Variants in DNAH7 observed in about 807,000 individuals in gnomAD.
The protein encoded by DNAH7 is axonemal beta dynein heavy chain 7.
In DNAH7, 397 loss-of-function variants were observed where a neutral mutation model predicts 444.6. That is an observed-to-expected ratio of 0.89 (90% CI 0.82 to 0.97). The LOEUF (loss-of-function observed/expected upper bound fraction) is 0.97. Among genes scored for constraint, DNAH7 ranks in the 50% least tolerant of loss-of-function variants. The pLI, the probability that DNAH7 is intolerant of heterozygous loss-of-function variation, is 0.00. For missense variants in DNAH7, 4,902 were observed against 4,800.8 expected, an observed-to-expected ratio of 1.02 and a Z score of -0.62; for synonymous variants, 1,636 against 1,624.4, an observed-to-expected ratio of 1.01 and a Z score of -0.17.
intron 47 of DNAH7, among the ~76,000 whole-genome samples, chr2:195,838,207 C>T (rs1379855385): frequency 1.3e-5 from 2 of 152,096 alleles, no homozygotes; most frequent in Non-Finnish European, 2.9e-5. Flanking sequence ...GTGATCTAAA[C>T]TTAACTGAGT....
At position 195,864,782 on chromosome 2, in the gene DNAH7, A is replaced by G. The variant is rs369492825; in HGVS notation, c.6873T>C (p.Asn2291=). ...GGTGAATTTCTACTATCATTCGAAGATTATCCACATCTGCGATTTCTCTGT... is the reference window on the plus strand; with the variant it reads ...GGTGAATTTCTACTATCATTCGAAGGTTATCCACATCTGCGATTTCTCTGT... ...TNYREIADVD[N]LRMIVEIHLE... Residue 2291 remains asparagine (N), a synonymous_variant, in exon 41 of 65, where the codon AAT becomes AAC. Coordinates refer to ENST00000312428, the MANE Select transcript of DNAH7 (RefSeq NM_018897.3). 37 of 1,614,118 alleles carry G rather than the reference A, an allele frequency of 2.3e-5. No homozygotes were observed. The highest frequency in any genetic ancestry group is 5.3e-5 in the African/African-American group (4 of 74,942).
At chr2:195,915,361 C>T (rs1224056134) in intron 24 of DNAH7, among the ~76,000 whole-genome samples, 1 of 152,152 alleles carries the variant, frequency 6.6e-6, no homozygotes, top group African/African-American at 2.4e-5. Context: ...AAACAAGAGA[C>T]TGTGTGCACA....
rs1295090133 is a variant in DNAH7, at chr2:195,972,352, T to C, written c.1948A>G (p.Met650Val). Residue 650 changes from methionine to valine, a missense_variant, in exon 16 of 65, where the codon ATG becomes GTG. By Grantham distance (21) the Met-to-Val change is conservative. Coordinates refer to ENST00000312428, the MANE Select transcript of DNAH7 (RefSeq NM_018897.3). ...IEYVNFSPAD[M>V]RLNNSVFQWY... is the part of the protein sequence containing the mutation. ...TGGAAAACACTATTATTTAGCCTCA[T>C]GTCTGCTGGAGAAAAGTTGACATAC... The C allele has an allele frequency of 8.7e-6, 14 of 1,614,162 alleles. No homozygotes were observed. In the South Asian group the frequency reaches 1.3e-4, roughly 15 times the overall value.
rs759960266 is a variant in DNAH7, at chr2:195,891,791, T to C, written c.4910A>G (p.Glu1637Gly). The C allele has an allele frequency of 1.9e-6, 3 of 1,578,862 alleles. No individual in the cohort carries two copies. Among genetic ancestry groups the C allele is most frequent in the South Asian group, 2.4e-5 (2 of 84,296 alleles). Residue 1637 changes from glutamate to glycine, a missense_variant, in exon 31 of 65, where the codon GAA (glutamate) becomes GGA (glycine). Physicochemically the swap from Glu to Gly is moderately conservative, Grantham distance 98 (BLOSUM62 -2). Transcript: ENST00000312428. ...TAAAACAGTTATTTGAACTTTGTTT[T>C]CTTCCATTAGCCCCTTAATGAAAAA... is the stretch of plus-strand genomic sequence containing the variant. Reference protein sequence around the residue: ...NDICEKGLMEENKVQITVLNP... With the variant: ...NDICEKGLMEGNKVQITVLNP...
chr2:196,059,881 G>A (rs1248388195), intron 1 of DNAH7, among the ~76,000 whole-genome samples: 1 of 152,172 alleles, frequency 6.6e-6, no homozygotes, highest in Admixed American at 6.5e-5. Flanking sequence ...TTCTCTTCGA[G>A]CAGAGAGTCT....
At chr2:195,943,403 T>C (rs1689596396) in intron 19 of DNAH7, among the ~76,000 whole-genome samples, 1 of 152,152 alleles carries the variant, frequency 6.6e-6, no homozygotes. Context: ...GTGGAAACTG[T>C]GATAATGAGT....
chr2:195,874,480 C>T (rs1473161047), intron 38 of DNAH7, among the ~76,000 whole-genome samples: 1 of 151,940 alleles, frequency 6.6e-6, no homozygotes, highest in Non-Finnish European at 1.5e-5. Flanking sequence ...ACTTTTCTTA[C>T]CAATGCCTGA....
chr2:195,763,412 A>C (rs1007356368), intron 61 of DNAH7, among the ~76,000 whole-genome samples: 2 of 152,086 alleles, frequency 1.3e-5, no homozygotes, highest in South Asian at 4.1e-4. Flanking sequence ...TTAAATGAAG[A>C]AAGTACATAA....
Position 195,913,230 on chromosome 2 carries a change from T to C in DNAH7, c.3936-3035A>G, listed in dbSNP as rs144589074. Among the ~76,000 whole-genome samples, 5 of 152,244 alleles carry C rather than the reference T, an allele frequency of 3.3e-5. 1 individual carries two copies. In the East Asian group the frequency reaches 9.6e-4, roughly 29 times the overall value. ...AAAGTTTAATTTAGTATTTGGAATA[T>C]AAGAGATAGGAACCTGGAGTTAAAG... On this transcript the variant is annotated intron_variant, in intron 24 of 64. Coordinates refer to ENST00000312428, the MANE Select transcript of DNAH7 (RefSeq NM_018897.3).
At chr2:195,809,949 G>C in intron 51 of DNAH7, 78 bp from the exon 52 acceptor site, 2 of 1,166,554 alleles carry the variant, frequency 1.7e-6, no homozygotes, top group Non-Finnish European at 2.2e-6. Flanking sequence ...TTACATGTAT[G>C]TTCTTCTGAT....
intron 58 of DNAH7, among the ~76,000 whole-genome samples, chr2:195,780,742 C>T (rs1170735399): frequency 6.6e-6 from 1 of 151,962 alleles, no homozygotes; most frequent in Non-Finnish European, 1.5e-5. Context: ...CAGGGCAAGA[C>T]TCTGTCTCAA....
chr2:195,754,611 G>C (rs540577445), intron 62 of DNAH7, 97 bp from the exon 63 acceptor site: 12 of 1,266,010 alleles, frequency 9.5e-6, no homozygotes, highest in Non-Finnish European at 1.3e-5. Flanking sequence ...GCAGGGCTCA[G>C]GTGATCCTCT....
In DNAH7 at chr2:195,872,318, C is replaced by CT; in HGVS notation, c.6564dup (p.Gly2189ArgfsTer17). ...GTTTCTGGTCTTGACAAACAAACAC[C>CT]TTGAATGACACGGGAGAAATCACGG... On this transcript the variant is annotated frameshift_variant, in exon 40 of 65. Transcript: ENST00000312428. LOFTEE classifies it high-confidence loss of function. 6.2e-7 allele frequency: 1 copy of CT among 1,613,902 alleles called. No homozygotes were observed. Among genetic ancestry groups the CT allele is most frequent in the South Asian group, 1.1e-5 (1 of 91,072 alleles).
At chr2:195,966,762 C>A (rs939243785) in intron 17 of DNAH7, among the ~76,000 whole-genome samples, 1 of 152,050 alleles carries the variant, frequency 6.6e-6, no homozygotes, top group Admixed American at 6.5e-5. Context: ...AGCATTGTTA[C>A]TCCTGGTAAT....
At chr2:195,980,193 T>C (rs917732213) in intron 15 of DNAH7, among the ~76,000 whole-genome samples, 10 of 151,826 alleles carry the variant, frequency 6.6e-5, no homozygotes, top group Admixed American at 1.3e-4. Flanking sequence ...TGGGAGGTAA[T>C]TGAATTACAG....
intron 35 of DNAH7, among the ~76,000 whole-genome samples, chr2:195,884,242 T>A (rs1291790515): frequency 2.0e-5 from 3 of 152,240 alleles, no homozygotes; most frequent in African/African-American, 7.2e-5. Flanking sequence ...TATACTAACA[T>A]GCACCATGAA....
intron 27 of DNAH7, chr2:195,901,273 T>C (rs753723319): frequency 1.3e-5 from 2 of 152,136 alleles, no homozygotes; most frequent in Non-Finnish European, 2.9e-5. Flanking sequence ...ACCTTAAATA[T>C]GTATTATGTT....
In DNAH7 at chr2:195,888,890, A is replaced by G. The variant is rs765388707; in HGVS notation, c.5138T>C (p.Leu1713Pro). 1.9e-6 allele frequency: 3 copies of G among 1,613,986 alleles called. No individual in the cohort carries two copies. The change falls in exon 32 of 65, where the codon CTA becomes CCA. Residue 1713 changes from leucine (L) to proline (P), a missense_variant. Physicochemically the swap from Leu to Pro is moderately conservative, Grantham distance 98. Coordinates refer to ENST00000312428, the MANE Select transcript of DNAH7 (RefSeq NM_018897.3). ...AATAATCTCCCCACTCATCAGACAT[A>G]GCTTCTTGTTGTCATCCAGCACAGT... ...MNTVLDDNKK[L>P]CLMSGEIIQM...
At chr2:195,830,285 C>T (rs1238002854) in intron 48 of DNAH7, among the ~76,000 whole-genome samples, 3 of 152,178 alleles carry the variant, frequency 2.0e-5, no homozygotes, top group Non-Finnish European at 4.4e-5. Context: ...TAAGGCAGAT[C>T]ATCATCTCAC....
Sources: gnomAD v4.1 joint callset for allele counts (sites outside exome capture counted in the v4.1 genomes callset) on GRCh38, gnomAD v4.1.1 for gene constraint, MANE v1.5 for transcripts, NCBI Gene and HGNC (gene_info 2026-07-23, HGNC 2026-07-21) for gene names.